Variants in NRCAM observed in about 807,000 individuals in gnomAD.
The protein encoded by NRCAM is neuronal cell adhesion molecule.
Under a neutral mutation model 156.5 loss-of-function variants are expected in NRCAM, and 83 were observed. The observed-to-expected ratio is 0.53, with a 90% CI of 0.44 to 0.64. The LOEUF (loss-of-function observed/expected upper bound fraction) is 0.64, where lower values mean the gene tolerates loss of function less well. Ranked by LOEUF, NRCAM falls within the 30% of genes least tolerant of loss-of-function variation. NRCAM has a pLI of 0.00. For synonymous variants in NRCAM, 538 were observed against 563.9 expected (o/e 0.95, Z 0.65); for missense variants, 1,417 against 1,597.3 (o/e 0.89, Z 1.92).
intron 3 of NRCAM, among the ~76,000 whole-genome samples, chr7:108,307,321 G>T (rs770448234): frequency 6.6e-6 from 1 of 152,158 alleles, no homozygotes; most frequent in Non-Finnish European, 1.5e-5. Flanking sequence ...CTGCTATAAC[G>T]GCTGGCATGC....
At chr7:108,159,248 C>T in intron 32 of NRCAM, 1 of 705,142 alleles carries the variant, frequency 1.4e-6, no homozygotes. Context: ...ATTCCATCTC[C>T]AAAATTATGA....
Position 108,279,707 on chromosome 7 carries a change from A to G in NRCAM, c.-107+32958T>C, listed in dbSNP as rs1019399490. On this transcript the variant is annotated intron_variant, in intron 3 of 32. Transcript: ENST00000379028. Reference sequence around the variant, plus strand: ...CTCCCAAGTAGCTGGCACTACAACCATGTGCCACCACAGCCAACTGATTTT... The same window carrying G: ...CTCCCAAGTAGCTGGCACTACAACCGTGTGCCACCACAGCCAACTGATTTT... Among the ~76,000 whole-genome samples, 8 of 144,592 alleles carry G rather than the reference A, an allele frequency of 5.5e-5. No homozygotes were observed. The Admixed American group carries it at 5.9e-4, about 11-fold the overall frequency. 94.9% of individuals were successfully genotyped at this position (144,592 alleles called of 152,430 possible).
chr7:108,208,753 C>G (rs750543697), intron 12 of NRCAM, among the ~76,000 whole-genome samples: 12 of 152,150 alleles, frequency 7.9e-5, no homozygotes, highest in South Asian at 4.1e-4. Context: ...CATGATTACC[C>G]TGAGGTTTTG....
At position 108,234,687 on chromosome 7, in the gene NRCAM, C is replaced by T; in HGVS notation, c.126G>A (p.Leu42=). The T allele has an allele frequency of 1.3e-6, 2 of 1,577,332 alleles. No homozygotes were observed. Among genetic ancestry groups the T allele is most frequent in the Non-Finnish European group, 1.7e-6 (2 of 1,149,508 alleles). ...VPLDPKLLED[L]VQPPTITQQS... is the part of the protein sequence containing the mutation. ...GTTGGGTGATGGTTGGAGGCTGTAC[C>T]ACTTAATTGTAGAAAAAAAAAAATG... The change falls in exon 6 of 33, where the codon TTG becomes TTA. Residue 42 remains leucine (L), a splice_region_variant and synonymous_variant. Transcript: ENST00000379028.
chr7:108,177,658 T>C (rs1297148996), intron 26 of NRCAM, among the ~76,000 whole-genome samples: 2 of 18,138 alleles, frequency 1.1e-4, no homozygotes, highest in African/African-American at 1.8e-4. Flanking sequence ...TATATATATA[T>C]ATGTATATAC....
At chr7:108,352,479 C>T (rs2099421158) in intron 2 of NRCAM, among the ~76,000 whole-genome samples, 1 of 152,180 alleles carries the variant, frequency 6.6e-6, no homozygotes, top group African/African-American at 2.4e-5. Flanking sequence ...TACGGAGTAT[C>T]AGGTCTGCCT....
At chr7:108,161,036 A>G (rs1387319570) in intron 30 of NRCAM, among the ~76,000 whole-genome samples, 1 of 152,226 alleles carries the variant, frequency 6.6e-6, no homozygotes, top group Non-Finnish European at 1.5e-5. Context: ...GATCAGGAAA[A>G]CAGCCATATT....
At chr7:108,272,872 T>C (rs1255744128) in intron 3 of NRCAM, among the ~76,000 whole-genome samples, 3 of 152,128 alleles carry the variant, frequency 2.0e-5, no homozygotes, top group Non-Finnish European at 2.9e-5. Flanking sequence ...CATTTAAGTA[T>C]TTCTCCTAAC....
At chr7:108,325,670 C>G (rs2099060816) in intron 2 of NRCAM, among the ~76,000 whole-genome samples, 1 of 151,908 alleles carries the variant, frequency 6.6e-6, no homozygotes, top group Admixed American at 6.6e-5. Context: ...CTTATTGATT[C>G]ATCTTTTTTT....
At chr7:108,192,807 C>T (rs541641671) in intron 17 of NRCAM, among the ~76,000 whole-genome samples, 4 of 152,208 alleles carry the variant, frequency 2.6e-5, no homozygotes, top group African/African-American at 9.6e-5. Flanking sequence ...TAATAATTTG[C>T]TTTATCACTA....
chr7:108,437,103 C>T (rs561750824), intron 1 of NRCAM, among the ~76,000 whole-genome samples: 1 of 152,274 alleles, frequency 6.6e-6, no homozygotes, highest in East Asian at 1.9e-4. Context: ...GGATGAGATC[C>T]TGTCATTTGC....
intron 1 of NRCAM, among the ~76,000 whole-genome samples, chr7:108,403,901 C>A (rs776929554): frequency 6.6e-6 from 1 of 152,182 alleles, no homozygotes; most frequent in African/African-American, 2.4e-5. Context: ...ATCTCAACTG[C>A]TTTTGTCTAA....
Position 108,386,221 on chromosome 7 carries a change from A to G in NRCAM, c.-174+13215T>C, listed in dbSNP as rs80317964. On this transcript the variant is annotated intron_variant, in intron 2 of 32. Coordinates refer to ENST00000379028, the MANE Select transcript of NRCAM (RefSeq NM_001037132.4). ...TTCTAGTCCAGTGCTCTTCATCTATATCATTCTAACTCTGCCAATTACTAT... is the reference window on the plus strand; with the variant it reads ...TTCTAGTCCAGTGCTCTTCATCTATGTCATTCTAACTCTGCCAATTACTAT... Among the ~76,000 whole-genome samples, 742 of 152,314 alleles carry G rather than the reference A, an allele frequency of 4.9e-3. 4 individuals are homozygous for G. Among genetic ancestry groups the G allele is most frequent in the Admixed American group, 0.011 (169 of 15,286 alleles).
chr7:108,220,454 A>T (rs2091823563), intron 11 of NRCAM, among the ~76,000 whole-genome samples: 1 of 152,208 alleles, frequency 6.6e-6, no homozygotes, highest in African/African-American at 2.4e-5. Context: ...ACTATACTAT[A>T]AGGCCATGGT....
chr7:108,286,066 A>C (rs1410101941), intron 3 of NRCAM, among the ~76,000 whole-genome samples: 1 of 152,236 alleles, frequency 6.6e-6, no homozygotes, highest in Admixed American at 6.5e-5. Flanking sequence ...TCATTACCAC[A>C]TGAAGGCAGC....
intron 1 of NRCAM, among the ~76,000 whole-genome samples, chr7:108,406,016 G>T (rs1346607240): frequency 2.6e-5 from 4 of 151,610 alleles, no homozygotes; most frequent in African/African-American, 9.7e-5. Context: ...AGTCCCCAAG[G>T]GACTGCTGTG....
rs955647785 is a variant in NRCAM at position 108,147,858 on chromosome 7, C to T, written c.*2052G>A. The stretch of plus-strand genomic sequence containing the variant: ...GACCCTTTCATGCACAGATAAATTT[C>T]GCATCTACCAGTATGGAAGAGGAAA... On this transcript the variant is annotated 3_prime_UTR_variant, in exon 33 of 33. Transcript: ENST00000379028. 1.3e-5 allele frequency: 2 copies of T among 152,596 alleles called. No individual in the cohort carries two copies. Among genetic ancestry groups the T allele is most frequent in the East Asian group, 1.9e-4 (1 of 5,198 alleles). The allele number at this position is 152,596 out of a possible 1,614,324, so 9.5% of individuals were successfully genotyped here. A position where few individuals can be genotyped will look rare whatever the true frequency, so the allele number is the denominator to read the frequency against.
At position 108,182,827 on chromosome 7, in the gene NRCAM, C is replaced by A. The variant is rs1296562009; in HGVS notation, c.2398G>T (p.Val800Leu). ...ACAATATATTTGGATACATTTGCCA[C>A]AACCACAGATGTCCATTCATCATCA... The part of the protein sequence containing the change: ...DGDDEWTSVV[V>L]ANVSKYIVSG... The change falls in exon 23 of 33, where the codon GTG (valine) becomes TTG (leucine). Residue 800 changes from valine to leucine, a missense_variant. By Grantham distance (32) the Val-to-Leu change is conservative (BLOSUM62 1). Coordinates refer to ENST00000379028, the MANE Select transcript of NRCAM (RefSeq NM_001037132.4). 1 of 1,614,242 alleles carries A rather than the reference C, an allele frequency of 6.2e-7. No individual in the cohort carries two copies. The highest frequency in any genetic ancestry group is 8.5e-7 in the Non-Finnish European group (1 of 1,180,040).
At chr7:108,243,900 T>C (rs1181177610) in intron 3 of NRCAM, among the ~76,000 whole-genome samples, 1 of 152,210 alleles carries the variant, frequency 6.6e-6, no homozygotes, top group East Asian at 1.9e-4. Context: ...GAAATGCAAT[T>C]CAAGGTTCCC....
Sources: allele counts gnomAD v4.1 joint callset (sites outside exome capture counted in the v4.1 genomes callset), GRCh38; gene constraint gnomAD v4.1.1; transcripts MANE v1.5; gene names NCBI Gene and HGNC (gene_info 2026-07-23, HGNC 2026-07-21).